The following NUP210L variants were observed in gnomAD, a reference collection of about 807,000 sequenced individuals.
NUP210L encodes nucleoporin 210 like.
NUP210L carries 74 observed loss-of-function variants against 208.5 expected under a neutral mutation model. That is an observed-to-expected ratio of 0.35 (90% CI 0.29 to 0.43). The LOEUF (loss-of-function observed/expected upper bound fraction) is 0.43. Among genes scored for constraint, NUP210L ranks in the 20% least tolerant of loss-of-function variants. The pLI, the probability that NUP210L is intolerant of heterozygous loss-of-function variation, is 1.00. For missense variants in NUP210L, 1,843 were observed against 2,289.4 expected (o/e 0.81, Z 3.98); for synonymous variants, 780 against 816.9 (o/e 0.95, Z 0.77).
intron 35 of NUP210L, among the ~76,000 whole-genome samples, chr1:154,006,832 A>G (rs1255116745): frequency 7.3e-6 from 1 of 137,362 alleles, no homozygotes; most frequent in East Asian, 2.1e-4. Context: ...ATATATATAT[A>G]TATATATATG....
rs1445555883 is a variant in NUP210L, at chr1:154,015,745, A to C, written c.4653+3188T>G. Among the ~76,000 whole-genome samples, 269 of 150,670 alleles carry C rather than the reference A, an allele frequency of 1.8e-3. 2 individuals are homozygous for C. Among genetic ancestry groups the C allele is most frequent in the African/African-American group, 6.4e-3 (261 of 40,978 alleles). ...AAAACACACACACACACACACACAC[A>C]CACACCCCACAGAATTAGCCGAGTG... is the stretch of plus-strand genomic sequence containing the variant. On this transcript the variant is annotated intron_variant, in intron 33 of 39. Coordinates refer to ENST00000368559, the Ensembl canonical transcript of NUP210L.
intron 37 of NUP210L, chr1:153,996,018 C>T (rs776146328): frequency 6.2e-5 from 23 of 372,834 alleles, no homozygotes; most frequent in Middle Eastern, 9.6e-4. Context: ...TGCGGCCTGG[C>T]GTGGTGGCTC....
intron 16 of NUP210L, among the ~76,000 whole-genome samples, chr1:154,074,777 C>G (rs1293709819): frequency 6.6e-6 from 1 of 152,180 alleles, no homozygotes; most frequent in Non-Finnish European, 1.5e-5. Flanking sequence ...GCGTAAGCCA[C>G]CGCACCCCGC....
chr1:154,117,291 G>A (rs1372246983), intron 12 of NUP210L, among the ~76,000 whole-genome samples: 1 of 152,172 alleles, frequency 6.6e-6, no homozygotes, highest in Non-Finnish European at 1.5e-5. Context: ...TTTAAAATAT[G>A]TATTTCTGGC....
chr1:154,124,663 T>C (rs1657790259), intron 10 of NUP210L, among the ~76,000 whole-genome samples: 1 of 152,186 alleles, frequency 6.6e-6, no homozygotes, highest in Admixed American at 6.6e-5. Flanking sequence ...TTAATAGTAC[T>C]CTATGCACCT....
At chr1:154,081,945 G>A (rs141242051) in intron 16 of NUP210L, among the ~76,000 whole-genome samples, 107 of 152,126 alleles carry the variant, frequency 7.0e-4, no homozygotes, top group African/African-American at 2.3e-3. Flanking sequence ...TCACGCCATT[G>A]CACTCAGCCT....
At chr1:154,125,745 GGGAAA>G (rs1657909887) in intron 10 of NUP210L, among the ~76,000 whole-genome samples, 2 of 27,320 alleles carry the variant, frequency 7.3e-5, no homozygotes, top group African/African-American at 1.8e-4. Context: ...AAGGGAGGGA[GGGAAA>G]TGTTTTTTTT....
intron 20 of NUP210L, 104 bp downstream of exon 20, chr1:154,060,436 G>A (rs1182707695): frequency 3.1e-5 from 22 of 705,614 alleles, no homozygotes; most frequent in Non-Finnish European, 5.0e-5. Context: ...AAAGGAAAAT[G>A]TTACTTCTGT....
intron 25 of NUP210L, among the ~76,000 whole-genome samples, chr1:154,050,407 A>C (rs1311963910): frequency 1.3e-5 from 2 of 152,222 alleles, no homozygotes; most frequent in East Asian, 3.8e-4. Flanking sequence ...CATAAAGCTC[A>C]AAAGATAGAA....
At chr1:154,005,729 T>C (rs1350241219) in intron 35 of NUP210L, among the ~76,000 whole-genome samples, 2 of 143,864 alleles carry the variant, frequency 1.4e-5, no homozygotes, top group Non-Finnish European at 1.5e-5. Flanking sequence ...TTTTTTTTTC[T>C]TTTTTTTTTT....
intron 10 of NUP210L, among the ~76,000 whole-genome samples, chr1:154,122,177 C>T (rs999863902): frequency 2.0e-5 from 3 of 152,094 alleles, no homozygotes; most frequent in Non-Finnish European, 2.9e-5. Flanking sequence ...ATAAATTCAA[C>T]CACTTAGATA....
chr1:154,030,834 C>A (rs960637105), intron 27 of NUP210L, among the ~76,000 whole-genome samples: 1 of 151,604 alleles, frequency 6.6e-6, no homozygotes, highest in African/African-American at 2.4e-5. Flanking sequence ...TGAGCTCAAG[C>A]AATCCTCCCA....
chr1:154,056,563 C>T (rs187595086), intron 23 of NUP210L, among the ~76,000 whole-genome samples: 2 of 152,034 alleles, frequency 1.3e-5, no homozygotes, highest in Non-Finnish European at 2.9e-5. Flanking sequence ...TACAGGCACA[C>T]CATGTCTGGC....
intron 30 of NUP210L, among the ~76,000 whole-genome samples, chr1:154,025,136 G>A (rs1405434242): frequency 6.7e-6 from 1 of 149,960 alleles, no homozygotes. Flanking sequence ...CACCGTGTTA[G>A]CCAGGATGGT....
chr1:154,093,344 C>T (rs1418648087), intron 15 of NUP210L, among the ~76,000 whole-genome samples: 1 of 152,144 alleles, frequency 6.6e-6, no homozygotes, highest in African/African-American at 2.4e-5. Context: ...AGTAGAATCA[C>T]TTGAACCCAG....
At chr1:154,132,629 A>G in intron 7 of NUP210L, among the ~76,000 whole-genome samples, 1 of 152,306 alleles carries the variant, frequency 6.6e-6, no homozygotes, top group Non-Finnish European at 1.5e-5. Context: ...TTGGAAAAAA[A>G]TAACAATATG....
intron 2 of NUP210L, among the ~76,000 whole-genome samples, chr1:154,143,951 G>A (rs1658985157): frequency 6.6e-6 from 1 of 152,268 alleles, no homozygotes; most frequent in South Asian, 2.1e-4. Context: ...GGAGGCTGAG[G>A]TGGGCAGATC....
intron 16 of NUP210L, among the ~76,000 whole-genome samples, chr1:154,073,548 T>C (rs1240157653): frequency 6.6e-6 from 1 of 151,718 alleles, no homozygotes; most frequent in Non-Finnish European, 1.5e-5. Context: ...TGCATCGTGG[T>C]TTATATCTGT....
intron 16 of NUP210L, among the ~76,000 whole-genome samples, chr1:154,082,037 C>T (rs1272397235): frequency 6.6e-6 from 1 of 152,204 alleles, no homozygotes; most frequent in Non-Finnish European, 1.5e-5. Context: ...TTGGTAAACA[C>T]ATTGATGTGT....
Sources: gnomAD v4.1 joint callset for allele counts (sites outside exome capture counted in the v4.1 genomes callset) on GRCh38, gnomAD v4.1.1 for gene constraint, MANE v1.5 for transcripts, NCBI Gene and HGNC (gene_info 2026-07-23, HGNC 2026-07-21) for gene names.